The following ARHGEF6 variants were observed in gnomAD, a reference collection of about 807,000 sequenced individuals.
ARHGEF6 encodes the protein rho guanine nucleotide exchange factor 6.
ARHGEF6 carries 9 observed loss-of-function variants against 70.3 expected under a neutral mutation model. That is an observed-to-expected ratio of 0.13 (90% CI 0.08 to 0.22). ARHGEF6 has a LOEUF of 0.22. Among genes scored for constraint, ARHGEF6 ranks in the 10% least tolerant of loss-of-function variants. ARHGEF6 has a pLI of 1.00. For synonymous variants in ARHGEF6, 201 were observed against 207.8 expected (o/e 0.97, Z 0.28); for missense variants, 470 against 563.0 (o/e 0.83, Z 1.67).
intron 8 of ARHGEF6, among the ~76,000 whole-genome samples, 186 bp downstream of exon 8, chrX:136,708,489 A>G (rs756983327): frequency 1.1e-4 from 12 of 112,211 alleles, no homozygotes; most frequent in African/African-American, 3.6e-4. Flanking sequence ...GACTTCTAAT[A>G]TACAACTAGT....
At chrX:136,727,415 TTC>T (rs1262134422) in intron 6 of ARHGEF6, among the ~76,000 whole-genome samples, 1 of 78,699 alleles carries the variant, frequency 1.3e-5, no homozygotes, top group Non-Finnish European at 2.4e-5. Context: ...CTCTCTCTCT[TTC>T]TTTCTTTCTT....
At chrX:136,717,059 A>G (rs933225197) in intron 6 of ARHGEF6, among the ~76,000 whole-genome samples, 1 of 112,338 alleles carries the variant, frequency 8.9e-6, no homozygotes, top group Non-Finnish European at 1.9e-5. Context: ...AATATTTGAA[A>G]CAATAGTGGT....
intron 2 of ARHGEF6, chrX:136,773,976 C>T (rs918239606): frequency 8.9e-6 from 1 of 111,857 alleles, no homozygotes; most frequent in Non-Finnish European, 1.9e-5. Flanking sequence ...TTAAGACATA[C>T]ATTTTAGAAA....
At chrX:136,733,519 C>A (rs2076956712) in intron 5 of ARHGEF6, among the ~76,000 whole-genome samples, 1 of 111,511 alleles carries the variant, frequency 9.0e-6, no homozygotes. Context: ...CACATATGCA[C>A]ACACTCTTGG....
chrX:136,696,715 T>C (rs2076516112), intron 9 of ARHGEF6, among the ~76,000 whole-genome samples: 1 of 110,929 alleles, frequency 9.0e-6, no homozygotes, highest in Admixed American at 9.6e-5. Flanking sequence ...TTCAGGAAAA[T>C]CTACTAAAAC....
At chrX:136,707,995 C>T (rs2076643758) in intron 8 of ARHGEF6, among the ~76,000 whole-genome samples, 1 of 112,199 alleles carries the variant, frequency 8.9e-6, no homozygotes, top group Admixed American at 9.5e-5. Flanking sequence ...CCTTCCCCCA[C>T]TTTCTGTGTG....
chrX:136,751,046 A>C (rs2077145605), intron 2 of ARHGEF6, among the ~76,000 whole-genome samples: 1 of 111,479 alleles, frequency 9.0e-6, no homozygotes, highest in African/African-American at 3.3e-5. Context: ...CATGTTGGCC[A>C]GGCTGGTCTC....
chrX:136,683,885 C>A (rs2076358410), intron 12 of ARHGEF6, among the ~76,000 whole-genome samples: 1 of 111,606 alleles, frequency 9.0e-6, no homozygotes, highest in Admixed American at 9.5e-5. Context: ...CTTCTTCTCC[C>A]AGCATCCTCT....
chrX:136,705,043 T>C (rs2076612528), intron 9 of ARHGEF6, among the ~76,000 whole-genome samples: 1 of 111,770 alleles, frequency 8.9e-6, no homozygotes, highest in Admixed American at 9.5e-5. Flanking sequence ...GTTTTTGTTT[T>C]GTTTTTTGTC....
chrX:136,693,226 T>C (rs899725205), intron 9 of ARHGEF6, among the ~76,000 whole-genome samples: 3 of 112,219 alleles, frequency 2.7e-5, no homozygotes, highest in Non-Finnish European at 5.6e-5. Context: ...TTCTAACTTC[T>C]AGGCTTGCTA....
Position 136,705,005 on chromosome X carries a change from G to GT in ARHGEF6, c.1046+1902dup, listed in dbSNP as rs746644713. ...GAAAATAAATTGGTGCAGTGACTTT[G>GT]TTTTGTTGTTGTTGCTGTTGTTGTT... On this transcript the variant is annotated intron_variant, in intron 9 of 21. Coordinates refer to ENST00000250617, the MANE Select transcript of ARHGEF6 (RefSeq NM_004840.3). Among the ~76,000 whole-genome samples, 16 of 111,820 alleles carry GT rather than the reference G, an allele frequency of 1.4e-4. No homozygotes were observed. In the South Asian group the frequency reaches 6.0e-3, roughly 42 times the overall value.
rs1460072772 is a variant in ARHGEF6 at position 136,690,952 on chromosome X, T to C, written c.1047-204A>G. Among the ~76,000 whole-genome samples, 4 of 110,834 alleles carry C rather than the reference T, an allele frequency of 3.6e-5. No homozygotes were observed. The East Asian group carries it at 1.1e-3, about 31-fold the overall frequency. On this transcript the variant is annotated intron_variant, in intron 9 of 21. Coordinates refer to ENST00000250617, the MANE Select transcript of ARHGEF6 (RefSeq NM_004840.3). ...CTGTAAAATCAGCACCAGGGCTCCT[T>C]TGGTGAGCCAGACACTCATGATCCC...
chrX:136,692,993 T>C (rs2076474167), intron 9 of ARHGEF6, among the ~76,000 whole-genome samples: 1 of 112,548 alleles, frequency 8.9e-6, no homozygotes, highest in African/African-American at 3.2e-5. Context: ...ATATAAAATA[T>C]AATTAGGGAA....
chrX:136,677,893 A>G, intron 17 of ARHGEF6, 43 bp downstream of exon 17: 2 of 1,112,883 alleles, frequency 1.8e-6, no homozygotes, highest in Non-Finnish European at 2.5e-6. Context: ...ACAGTACAGC[A>G]TTATGATGTC....
At chrX:136,756,623 G>T (rs1356198419) in intron 2 of ARHGEF6, among the ~76,000 whole-genome samples, 1 of 111,892 alleles carries the variant, frequency 8.9e-6, no homozygotes, top group Non-Finnish European at 1.9e-5. Context: ...GGGGTAACGT[G>T]TAATTGGAAA....
At chrX:136,755,556 T>C (rs925582508) in intron 2 of ARHGEF6, among the ~76,000 whole-genome samples, 1 of 111,211 alleles carries the variant, frequency 9.0e-6, no homozygotes, top group Non-Finnish European at 1.9e-5. Flanking sequence ...TGGTGGTAAA[T>C]AGCCCCACAC....
chrX:136,753,044 G>A (rs1455594492), intron 2 of ARHGEF6, among the ~76,000 whole-genome samples: 1 of 111,952 alleles, frequency 8.9e-6, no homozygotes, highest in African/African-American at 3.3e-5. Context: ...TGTGCACATA[G>A]CTCCTACTAA....
At chrX:136,776,124 T>A (rs1328196452) in intron 2 of ARHGEF6, among the ~76,000 whole-genome samples, 2 of 111,423 alleles carry the variant, frequency 1.8e-5, no homozygotes, top group Non-Finnish European at 3.8e-5. Flanking sequence ...CTAAAAACAA[T>A]CTACAAATTC....
intron 5 of ARHGEF6, among the ~76,000 whole-genome samples, chrX:136,741,147 T>TCTTAAA (rs1448541326): frequency 1.4e-4 from 16 of 111,885 alleles, no homozygotes; most frequent in Non-Finnish European, 3.0e-4. Flanking sequence ...ATTAATTTTA[T>TCTTAAA]CTTAAACACT....
Sources: allele counts gnomAD v4.1 joint callset (sites outside exome capture counted in the v4.1 genomes callset), GRCh38; gene constraint gnomAD v4.1.1; transcripts MANE v1.5; gene names NCBI Gene and HGNC (gene_info 2026-07-23, HGNC 2026-07-21).